Variants in CUL2 observed in about 807,000 individuals in gnomAD.
CUL2 encodes the protein cullin 2, also known as cullin-2.
A neutral mutation model predicts 110.2 loss-of-function variants in CUL2; 22 were observed. The observed-to-expected ratio is 0.20, with a 90% CI of 0.14 to 0.28. The LOEUF (loss-of-function observed/expected upper bound fraction) is 0.28, where lower values mean the gene tolerates loss of function less well. Ranked by LOEUF, CUL2 falls within the 10% of genes least tolerant of loss-of-function variation. The pLI is 1.00. For synonymous variants in CUL2, 279 were observed against 293.2 expected (o/e 0.95, Z 0.49); for missense variants, 631 against 905.5 (o/e 0.70, Z 3.89).
At chr10:35,026,015 A>G (rs1485893873) in intron 16 of CUL2, among the ~76,000 whole-genome samples, 3 of 152,264 alleles carry the variant, frequency 2.0e-5, no homozygotes, top group Non-Finnish European at 2.9e-5. Context: ...TAAAGCAGTC[A>G]GCAATGACTG....
At chr10:35,123,067 G>A (rs1041720527) in intron 1 of CUL2, among the ~76,000 whole-genome samples, 3 of 152,138 alleles carry the variant, frequency 2.0e-5, no homozygotes, top group Non-Finnish European at 4.4e-5. Flanking sequence ...GAGCCTGGGA[G>A]GTCAAGACTG....
At chr10:35,020,166 TAA>T (rs59866726) in intron 17 of CUL2, among the ~76,000 whole-genome samples, 69 of 145,100 alleles carry the variant, frequency 4.8e-4, no homozygotes, top group South Asian at 1.1e-3. Context: ...AAAACAAATT[TAA>T]AAAAAAAAAA....
upstream of CUL2, among the ~76,000 whole-genome samples, chr10:35,094,862 CT>C (rs1366339580): frequency 2.6e-5 from 4 of 152,140 alleles, no homozygotes; most frequent in Non-Finnish European, 5.9e-5. Context: ...TAAGTTACCA[CT>C]TTTAGCATTA....
At position 35,029,585 on chromosome 10, in the gene CUL2, C is replaced by T. The variant is rs1190318441; in HGVS notation, c.1442G>A (p.Ser481Asn). 4.4e-6 allele frequency: 7 copies of T among 1,598,856 alleles called. No individual in the cohort carries two copies. Among genetic ancestry groups the T allele is most frequent in the East Asian group, 4.5e-5 (2 of 44,212 alleles). The change falls in exon 15 of 21, where the codon AGT becomes AAT. Residue 481 changes from serine (S) to asparagine (N), a missense_variant. This residue lies in a region of CUL2 where 134 missense variants were observed against 260.4 expected (regional missense o/e 0.51). Transcript: ENST00000374749. ...CTTATTGTTGAGATCAGCGCTGACACTCATATCTGTATACATCCGATGTAG... is the reference window on the plus strand; with the variant it reads ...CTTATTGTTGAGATCAGCGCTGACATTCATATCTGTATACATCCGATGTAG... Reference protein sequence around the residue: ...SKLHRMYTDMSVSADLNNKFN... With the variant: ...SKLHRMYTDMNVSADLNNKFN...
At position 35,031,433 on chromosome 10, in the gene CUL2, A is replaced by G. The variant is rs780725449; in HGVS notation, c.1300-47T>C. 1.3e-6 allele frequency: 2 copies of G among 1,598,680 alleles called. No homozygotes were observed. The highest frequency in any genetic ancestry group is 1.7e-6 in the Non-Finnish European group (2 of 1,170,888). ...AAGATTACTTCCTTTCTAATGATTTAGCATTCAGAAATAAAGTTGACCAAA... is the reference window on the plus strand; with the variant it reads ...AAGATTACTTCCTTTCTAATGATTTGGCATTCAGAAATAAAGTTGACCAAA... On this transcript the variant is annotated intron_variant, in intron 13 of 20. Transcript: ENST00000374749. The surrounding 1 kb of genome is among the most constrained non-coding windows in gnomAD (Gnocchi z 4.4).
Position 35,008,842 on chromosome 10 carries a change from GTAA to G in CUL2, c.*1466_*1468del, listed in dbSNP as rs2084823567. The G allele has an allele frequency of 1.3e-5, 2 of 152,140 alleles. No individual in the cohort carries two copies. The highest frequency in any genetic ancestry group is 2.1e-4 in the South Asian group (1 of 4,834). The allele number at this position is 152,140 out of a possible 1,614,324, so 9.4% of individuals were successfully genotyped here. A position where few individuals can be genotyped will look rare whatever the true frequency, so the allele number is the denominator to read the frequency against. On this transcript the variant is annotated 3_prime_UTR_variant, in exon 21 of 21. Coordinates refer to ENST00000374749, the MANE Select transcript of CUL2 (RefSeq NM_003591.4). ...TAAGTAATTATTGTTTTTGTTAGGA[GTAA>G]TAATATCACTGTGGATTTTTTAAAG...
chr10:35,120,148 C>T lies in CUL2; in HGVS notation c.-51+6457G>A, dbSNP rs965588976. 2.0e-5 allele frequency: 3 copies of T among 152,090 alleles called. No individual in the cohort carries two copies. In the East Asian group the frequency reaches 5.8e-4, roughly 29 times the overall value. The allele number at this position is 152,090 out of a possible 1,614,324, so 9.4% of individuals were successfully genotyped here. ...AATGATCATTTCCAAATTTTGTATA[C>T]TAAAAACTCAGATATAGAAGTCCCT... is the stretch of plus-strand genomic sequence containing the variant. On this transcript the variant is annotated intron_variant, in intron 1 of 5. Transcript: ENST00000685421.
At chr10:35,092,292 A>T (rs1322274374), upstream of CUL2, among the ~76,000 whole-genome samples, 1 of 152,070 alleles carries the variant, frequency 6.6e-6, no homozygotes, top group African/African-American at 2.4e-5. Context: ...TTTTGTACTG[A>T]TGGTGCAAAG....
chr10:35,069,229 CAGGTGAA>C (rs2086617892), intron 2 of CUL2, among the ~76,000 whole-genome samples: 1 of 151,856 alleles, frequency 6.6e-6, no homozygotes, highest in Non-Finnish European at 1.5e-5. Flanking sequence ...AATTCATGAT[CAGGTGAA>C]AAATAACTGG....
At chr10:35,100,250 A>T (rs1243153706) in intron 2 of CUL2, among the ~76,000 whole-genome samples, 1 of 152,222 alleles carries the variant, frequency 6.6e-6, no homozygotes, top group Non-Finnish European at 1.5e-5. Flanking sequence ...AAACATTCAC[A>T]ATATGAACTC....
chr10:35,052,707 A>G (rs865943193), intron 5 of CUL2, among the ~76,000 whole-genome samples: 8 of 152,018 alleles, frequency 5.3e-5, no homozygotes, highest in Non-Finnish European at 1.0e-4. Context: ...CATCCTGGCT[A>G]ACACGGTGAA....
chr10:35,027,398 C>T (rs1178207987), intron 16 of CUL2, among the ~76,000 whole-genome samples: 1 of 152,136 alleles, frequency 6.6e-6, no homozygotes, highest in Non-Finnish European at 1.5e-5. Flanking sequence ...CCCGCCTCGG[C>T]CTCCCAAGGT....
chr10:35,032,397 T>A lies in CUL2; in HGVS notation c.1170+38A>T, dbSNP rs199678326. On this transcript the variant is annotated intron_variant, in intron 12 of 20. Transcript: ENST00000374749. ...TGAGTTCTCATTTTCTAATACTGAC[T>A]TTTCATAAGATTACTTTTCAGCAAC... The A allele has an allele frequency of 2.7e-5, 42 of 1,546,332 alleles. No individual in the cohort carries two copies. The East Asian group carries it at 8.9e-4, about 33-fold the overall frequency.
chr10:35,050,151 T>C (rs991935336), intron 5 of CUL2, among the ~76,000 whole-genome samples: 13 of 151,934 alleles, frequency 8.6e-5, no homozygotes, highest in African/African-American at 3.1e-4. Context: ...CAAAACCCTG[T>C]CTCTACTAAA....
chr10:35,123,977 C>A (rs929271257), intron 1 of CUL2, among the ~76,000 whole-genome samples: 3 of 152,102 alleles, frequency 2.0e-5, no homozygotes, highest in African/African-American at 7.2e-5. Context: ...ATTAGGGAGA[C>A]AAAGATGAGT....
At chr10:35,014,280 A>G (rs2084973442) in intron 18 of CUL2, among the ~76,000 whole-genome samples, 1 of 152,156 alleles carries the variant, frequency 6.6e-6, no homozygotes. Context: ...CACAGCATCA[A>G]TTTGCTGTGA....
At chr10:35,014,143 A>G (rs1564693087) in intron 18 of CUL2, among the ~76,000 whole-genome samples, 1 of 152,198 alleles carries the variant, frequency 6.6e-6, no homozygotes, top group Admixed American at 6.5e-5. Context: ...ATGAAACACC[A>G]AAGTGCGTAA....
chr10:35,046,447 A>C (rs1045995472), intron 6 of CUL2, among the ~76,000 whole-genome samples: 3 of 152,242 alleles, frequency 2.0e-5, no homozygotes, highest in Non-Finnish European at 4.4e-5. Context: ...TGTTAGTGGA[A>C]AAACTGGAAG....
intron 17 of CUL2, among the ~76,000 whole-genome samples, chr10:35,021,831 C>CGAGGCGAGGTGAGGT (rs1554853871): frequency 1.8e-4 from 12 of 66,328 alleles, no homozygotes; most frequent in African/African-American, 4.5e-4. Context: ...TGAGGTGAGG[C>CGAGGCGAGGTGAGGT]GAGGTGAGGT....
Sources: allele counts gnomAD v4.1 joint callset (sites outside exome capture counted in the v4.1 genomes callset), GRCh38; gene constraint gnomAD v4.1.1; regional missense constraint gnomAD v4.1.1; non-coding constraint Gnocchi (gnomAD v3.1); transcripts MANE v1.5; gene names NCBI Gene and HGNC (gene_info 2026-07-23, HGNC 2026-07-21).